NDFIP2: variants seen among roughly 807,000 people sequenced by gnomAD.
The protein encoded by NDFIP2 is Nedd4 family interacting protein 2, also known as NEDD4 family-interacting protein 2.
A neutral mutation model predicts 36.0 loss-of-function variants in NDFIP2; 19 were observed. The ratio of observed to expected loss-of-function variants is 0.53; its 90% confidence interval spans 0.37 to 0.77. The LOEUF is 0.77. Among genes scored for constraint, NDFIP2 ranks in the 30% least tolerant of loss-of-function variants. NDFIP2 has a pLI of 0.00. For synonymous variants in NDFIP2, 181 were observed against 167.7 expected, an observed-to-expected ratio of 1.08 and a Z score of -0.61; for missense variants, 446 against 435.8, an observed-to-expected ratio of 1.02 and a Z score of -0.21.
chr13:79,517,847 T>G (rs1287217102), intron 1 of NDFIP2, among the ~76,000 whole-genome samples: 1 of 152,218 alleles, frequency 6.6e-6, no homozygotes, highest in Non-Finnish European at 1.5e-5. Context: ...ATGTATTCAA[T>G]GTAGTAAAGA....
chr13:79,506,945 A>G (rs1873891154), intron 1 of NDFIP2, among the ~76,000 whole-genome samples: 1 of 152,106 alleles, frequency 6.6e-6, no homozygotes, highest in African/African-American at 2.4e-5. Flanking sequence ...AGTTCACTAA[A>G]ATTGGGAAAA....
At chr13:79,485,928 T>A (rs945176847) in intron 1 of NDFIP2, among the ~76,000 whole-genome samples, 1 of 152,196 alleles carries the variant, frequency 6.6e-6, no homozygotes, top group Non-Finnish European at 1.5e-5. Context: ...ATTGTTTGCA[T>A]CGTGTGAATC....
At chr13:79,550,438 T>A (rs1875859518) in intron 6 of NDFIP2, among the ~76,000 whole-genome samples, 1 of 151,696 alleles carries the variant, frequency 6.6e-6, no homozygotes, top group Non-Finnish European at 1.5e-5. Context: ...TTATTATAAG[T>A]TAGTTTTTTA....
chr13:79,543,099 A>G (rs1175924287), intron 4 of NDFIP2, among the ~76,000 whole-genome samples: 2 of 151,866 alleles, frequency 1.3e-5, no homozygotes, highest in Non-Finnish European at 2.9e-5. Context: ...CTGGTCTCGA[A>G]CTCCTGACCT....
chr13:79,482,034 T>C (rs1286214510), intron 1 of NDFIP2, among the ~76,000 whole-genome samples: 1 of 152,128 alleles, frequency 6.6e-6, no homozygotes, highest in African/African-American at 2.4e-5. Context: ...TGTGGAACTG[T>C]AGAGAAAGAC....
At chr13:79,507,830 CT>C (rs879430221) in intron 1 of NDFIP2, among the ~76,000 whole-genome samples, 124 of 145,098 alleles carry the variant, frequency 8.5e-4, no homozygotes, top group Non-Finnish European at 9.1e-4. Context: ...AGATCTTGAA[CT>C]TTTTTTTTTT....
chr13:79,539,276 C>T (rs928996385), intron 3 of NDFIP2, among the ~76,000 whole-genome samples: 1 of 152,024 alleles, frequency 6.6e-6, no homozygotes, highest in Non-Finnish European at 1.5e-5. Context: ...ATTGCTGGAT[C>T]ATAGGGTATG....
chr13:79,539,595 T>C (rs1217208942), intron 3 of NDFIP2, 87 bp from the exon 4 acceptor site: 1 of 1,020,074 alleles, frequency 9.8e-7, no homozygotes. Context: ...ATTGAGAACA[T>C]TAGATGTTGC....
intron 2 of NDFIP2, among the ~76,000 whole-genome samples, chr13:79,530,377 G>C (rs555999948): frequency 6.6e-6 from 1 of 152,142 alleles, no homozygotes; most frequent in Non-Finnish European, 1.5e-5. Flanking sequence ...TCAGCTTCCC[G>C]AGTAGCTGGG....
At chr13:79,531,446 C>G (rs1875010749) in intron 2 of NDFIP2, among the ~76,000 whole-genome samples, 1 of 152,152 alleles carries the variant, frequency 6.6e-6, no homozygotes, top group Non-Finnish European at 1.5e-5. Context: ...GAATTGACTC[C>G]TCTCTAGCTA....
intron 1 of NDFIP2, among the ~76,000 whole-genome samples, chr13:79,490,395 A>G (rs1873179698): frequency 6.6e-6 from 1 of 152,164 alleles, no homozygotes; most frequent in South Asian, 2.1e-4. Flanking sequence ...GACTAGAGTG[A>G]TCACATGCTC....
intron 1 of NDFIP2, among the ~76,000 whole-genome samples, chr13:79,516,984 C>T (rs1446324673): frequency 6.6e-6 from 1 of 152,134 alleles, no homozygotes; most frequent in Non-Finnish European, 1.5e-5. Flanking sequence ...CACTGGAAGG[C>T]TGTACTTCCA....
In NDFIP2 at chr13:79,531,539, AATGATCT is replaced by A. The variant is rs1050637934; in HGVS notation, c.488-1783_488-1777del. 1.3e-4 allele frequency among the ~76,000 whole-genome samples: 20 copies of A among 152,326 alleles called. No individual in the cohort carries two copies. The South Asian group carries it at 1.4e-3, about 11-fold the overall frequency. ...GTTGTTTAGCATAGCCACCATCATC[AATGATCT>A]TAGCTAGATCTTCTGCATAATTTGC... On this transcript the variant is annotated intron_variant, in intron 2 of 7. Transcript: ENST00000218652.
At chr13:79,484,262 G>A (rs1161461069) in intron 1 of NDFIP2, among the ~76,000 whole-genome samples, 5 of 152,136 alleles carry the variant, frequency 3.3e-5, no homozygotes, top group Middle Eastern at 3.4e-3. Context: ...TAATCTGCCC[G>A]CCTTGGCCTC....
intron 1 of NDFIP2, among the ~76,000 whole-genome samples, chr13:79,517,869 G>T (rs953426215): frequency 1.3e-5 from 2 of 151,910 alleles, no homozygotes; most frequent in Non-Finnish European, 2.9e-5. Context: ...TGTTTTTTTT[G>T]AGAAACTGGA....
chr13:79,520,973 C>A lies in NDFIP2; in HGVS notation c.485C>A (p.Ser162Ter). 6.3e-7 allele frequency: 1 copy of A among 1,587,948 alleles called. No individual in the cohort carries two copies. Among genetic ancestry groups the A allele is most frequent in the Non-Finnish European group, 8.6e-7 (1 of 1,165,994 alleles). ...ATTACTGTGGAAGTACCTACAACTT[C>A]AGGTATGAAACATCTAGTAATGTTT... ...SSITVEVPTTSDTEVYGEFYP... is the reference protein window; with the variant it reads ...SSITVEVPTT The change falls in exon 2 of 8, where the codon TCA (serine) becomes TAA (stop). Residue 162 changes from serine to a stop codon, truncating the protein, a stop_gained and splice_region_variant. Transcript: ENST00000218652. LOFTEE classifies it high-confidence loss of function.
rs766884970 is a variant in NDFIP2, at chr13:79,533,392, A to G, written c.557A>G (p.Tyr186Cys). ...PYSVATSLPT[Y>C]DEAEKAKAAA... ...AGCGTTGCTACCTCTCTTCCTACAT[A>G]CGATGAAGCTGAGAAGGCTAAAGCT... Residue 186 changes from tyrosine to cysteine, a missense_variant, in exon 3 of 8, where the codon TAC (tyrosine) becomes TGC (cysteine). Around this residue, in one of 2 missense-constraint regions of NDFIP2, gnomAD observed 369 missense variants for 304.8 expected, o/e 1.21. Transcript: ENST00000218652. 7 of 1,612,118 alleles carry G rather than the reference A, an allele frequency of 4.3e-6. No homozygotes were observed. In the East Asian group the frequency reaches 1.1e-4, roughly 26 times the overall value.
At position 79,497,795 on chromosome 13, in the gene NDFIP2, G is replaced by GGTGT. The variant is rs769463873; in HGVS notation, c.321+16302_321+16305dup. 1.4e-3 allele frequency among the ~76,000 whole-genome samples: 177 copies of GGTGT among 128,982 alleles called. 1 individual carries two copies. The highest frequency in any genetic ancestry group is 1.5e-3 in the Non-Finnish European group (87 of 59,670). 84.6% of individuals were successfully genotyped at this position (128,982 alleles called of 152,430 possible). A position where few individuals can be genotyped will look rare whatever the true frequency, so the allele number is the denominator to read the frequency against. On this transcript the variant is annotated intron_variant, in intron 1 of 7. Transcript: ENST00000218652. The stretch of plus-strand genomic sequence containing the variant: ...CCATTTAAATCCTTTATCTGTGGGG[G>GGTGT]GTGTGTGTGTGTGTGTGTGTGTGTG...
chr13:79,492,727 G>T (rs1165222339), intron 1 of NDFIP2, among the ~76,000 whole-genome samples: 1 of 152,058 alleles, frequency 6.6e-6, no homozygotes, highest in East Asian at 1.9e-4. Flanking sequence ...AACCTTTAGA[G>T]AACAACAGGA....
Sources: allele counts gnomAD v4.1 joint callset (sites outside exome capture counted in the v4.1 genomes callset), GRCh38; gene constraint gnomAD v4.1.1; regional missense constraint gnomAD v4.1.1; transcripts MANE v1.5; gene names NCBI Gene and HGNC (gene_info 2026-07-23, HGNC 2026-07-21).